UNC13C: variants seen among roughly 807,000 people sequenced by gnomAD.
The protein encoded by UNC13C is protein unc-13 homolog C.
In UNC13C, 174 loss-of-function variants were observed where a neutral mutation model predicts 245.4. The ratio of observed to expected loss-of-function variants is 0.71; its 90% CI spans 0.63 to 0.80. The LOEUF (loss-of-function observed/expected upper bound fraction) is 0.80, where lower values mean the gene tolerates loss of function less well. Ranked by LOEUF, UNC13C falls within the 30% of genes least tolerant of loss-of-function variation. UNC13C has a pLI of 0.00. For missense variants in UNC13C, 2,829 were observed against 2,602.9 expected (o/e 1.09, Z -1.89); for synonymous variants, 992 against 895.1 (o/e 1.11, Z -1.93).
chr15:54,171,447 T>A (rs1230311319), intron 4 of UNC13C, among the ~76,000 whole-genome samples: 5 of 152,094 alleles, frequency 3.3e-5, no homozygotes, highest in Non-Finnish European at 5.9e-5. Flanking sequence ...GAAAAATATC[T>A]GAATAGACAT....
intron 7 of UNC13C, among the ~76,000 whole-genome samples, chr15:54,245,324 C>T (rs1315938106): frequency 6.6e-6 from 1 of 152,090 alleles, no homozygotes; most frequent in African/African-American, 2.4e-5. Flanking sequence ...ATTGTGCTCT[C>T]CTTGAATTAA....
chr15:54,145,795 T>C (rs1470793080), intron 4 of UNC13C, among the ~76,000 whole-genome samples: 2 of 152,246 alleles, frequency 1.3e-5, no homozygotes, highest in African/African-American at 4.8e-5. Flanking sequence ...TTGTAAAAAT[T>C]TGATTTGCTA....
At chr15:54,578,346 C>T (rs987248063) in intron 30 of UNC13C, among the ~76,000 whole-genome samples, 5 of 151,888 alleles carry the variant, frequency 3.3e-5, no homozygotes, top group African/African-American at 7.3e-5. Flanking sequence ...ATTTTTTTAT[C>T]GCACTCACAT....
At chr15:53,924,211 A>G in the UNC13C span, among the ~76,000 whole-genome samples, 8 of 150,688 alleles carry the variant, frequency 5.3e-5, no homozygotes, top group Non-Finnish European at 1.2e-4. Flanking sequence ...TATCTCAAAA[A>G]AACAAAACAA....
intron 2 of UNC13C, among the ~76,000 whole-genome samples, chr15:54,101,417 G>T (rs1288548387): frequency 6.6e-6 from 1 of 151,842 alleles, no homozygotes. Context: ...TTTCTCCATT[G>T]TTTATAGCTA....
chr15:53,840,539 C>G, the UNC13C span, among the ~76,000 whole-genome samples: 1 of 152,046 alleles, frequency 6.6e-6, no homozygotes, highest in Non-Finnish European at 1.5e-5. Flanking sequence ...AGTCATGAGG[C>G]AAAGTATTAA....
chr15:54,615,504 T>A (rs559073836), intron 30 of UNC13C, among the ~76,000 whole-genome samples: 2 of 152,144 alleles, frequency 1.3e-5, no homozygotes, highest in Admixed American at 1.3e-4. Context: ...CTCTTCCTGC[T>A]TATAATGCCT....
At chr15:54,419,686 G>C (rs2040597374) in intron 19 of UNC13C, among the ~76,000 whole-genome samples, 1 of 152,020 alleles carries the variant, frequency 6.6e-6, no homozygotes, top group Non-Finnish European at 1.5e-5. Flanking sequence ...CTGCCTCTTT[G>C]GTTTTGAAAT....
intron 13 of UNC13C, among the ~76,000 whole-genome samples, chr15:54,300,678 A>G (rs1432648468): frequency 6.6e-6 from 1 of 152,128 alleles, no homozygotes; most frequent in Non-Finnish European, 1.5e-5. Context: ...ACTGAATCAG[A>G]AACTCTGAGG....
At chr15:54,133,985 A>G (rs1309602607) in intron 2 of UNC13C, among the ~76,000 whole-genome samples, 4 of 152,172 alleles carry the variant, frequency 2.6e-5, no homozygotes, top group Non-Finnish European at 5.9e-5. Context: ...TTTGATATTC[A>G]TATACATTGT....
At chr15:54,425,319 G>A (rs976105362) in intron 19 of UNC13C, among the ~76,000 whole-genome samples, 4 of 151,684 alleles carry the variant, frequency 2.6e-5, no homozygotes, top group African/African-American at 9.7e-5. Flanking sequence ...GATAAAAACT[G>A]GACCTGGGGC....
intron 24 of UNC13C, among the ~76,000 whole-genome samples, chr15:54,522,975 A>G (rs1054319364): frequency 1.3e-5 from 2 of 152,222 alleles, no homozygotes; most frequent in Non-Finnish European, 2.9e-5. Context: ...TTGATGTTAT[A>G]CTACTTATAT....
At chr15:54,051,498 C>T (rs892025566) in intron 2 of UNC13C, among the ~76,000 whole-genome samples, 1 of 152,078 alleles carries the variant, frequency 6.6e-6, no homozygotes, top group Admixed American at 6.5e-5. Flanking sequence ...TGTACTATAT[C>T]ACAGTCTTTC....
chr15:53,859,020 CTAAA>C, the UNC13C span, among the ~76,000 whole-genome samples: 1 of 151,924 alleles, frequency 6.6e-6, no homozygotes, highest in South Asian at 2.1e-4. Context: ...TCTGATAAAT[CTAAA>C]TATTGAAAAT....
intron 4 of UNC13C, among the ~76,000 whole-genome samples, chr15:54,186,210 CT>C: frequency 6.6e-6 from 1 of 152,256 alleles, no homozygotes; most frequent in East Asian, 1.9e-4. Flanking sequence ...ATCATGTCAT[CT>C]GCAAACAGGG....
At chr15:54,528,198 G>A (rs1253949512) in intron 25 of UNC13C, among the ~76,000 whole-genome samples, 1 of 152,104 alleles carries the variant, frequency 6.6e-6, no homozygotes, top group African/African-American at 2.4e-5. Context: ...ACCTACCTGG[G>A]AACTGAGACT....
chr15:54,156,489 C>G (rs1314173208), intron 4 of UNC13C, among the ~76,000 whole-genome samples: 3 of 152,090 alleles, frequency 2.0e-5, no homozygotes, highest in Non-Finnish European at 4.4e-5. Flanking sequence ...AACAGTTATT[C>G]CAGAGTCACA....
chr15:53,910,305 C>T, the UNC13C span, among the ~76,000 whole-genome samples: 5 of 145,528 alleles, frequency 3.4e-5, no homozygotes, highest in African/African-American at 1.2e-4. Context: ...CTGTGAGGTA[C>T]GTGGATGTGA....
At chr15:54,562,733 A>C (rs1453331748) in intron 29 of UNC13C, among the ~76,000 whole-genome samples, 1 of 152,010 alleles carries the variant, frequency 6.6e-6, no homozygotes, top group Non-Finnish European at 1.5e-5. Flanking sequence ...CTATCATGCC[A>C]TCCTATATCA....
Sources: gnomAD v4.1 joint callset for allele counts (sites outside exome capture counted in the v4.1 genomes callset) on GRCh38, gnomAD v4.1.1 for gene constraint, MANE v1.5 for transcripts, NCBI Gene and HGNC (gene_info 2026-07-23, HGNC 2026-07-21) for gene names.